Variants in ITCH observed in about 807,000 individuals in gnomAD.
ITCH encodes the protein itchy E3 ubiquitin protein ligase, also known as E3 ubiquitin-protein ligase Itchy homolog.
ITCH carries 28 observed loss-of-function variants against 126.8 expected under a neutral mutation model. That is an observed-to-expected ratio of 0.22 (90% CI 0.16 to 0.30). The LOEUF (loss-of-function observed/expected upper bound fraction) is 0.30. ITCH is among the 10% of genes least tolerant of loss of function. ITCH has a pLI of 1.00. For missense variants in ITCH, 631 were observed against 1,032.4 expected (o/e 0.61, Z 5.33); for synonymous variants, 342 against 340.0 (o/e 1.01, Z -0.06).
At chr20:34,506,175 T>C (rs1035647725) in intron 24 of ITCH, among the ~76,000 whole-genome samples, 4 of 152,130 alleles carry the variant, frequency 2.6e-5, no homozygotes, top group Non-Finnish European at 5.9e-5. Flanking sequence ...ACTGTCCTCC[T>C]ACCTTAGCCT....
intron 5 of ITCH, 41 bp downstream of exon 5, chr20:34,412,680 G>A: frequency 6.4e-7 from 1 of 1,551,452 alleles, no homozygotes; most frequent in Non-Finnish European, 8.9e-7. Context: ...TTAGCTGTTT[G>A]TTTTTCTGGA....
At chr20:34,456,007 T>C (rs547534809) in intron 12 of ITCH, among the ~76,000 whole-genome samples, 11 of 151,626 alleles carry the variant, frequency 7.3e-5, no homozygotes, top group East Asian at 1.9e-4. Flanking sequence ...GAACGAGATA[T>C]GTTAAGTGTA....
intron 2 of ITCH, among the ~76,000 whole-genome samples, chr20:34,380,837 G>T (rs1443455326): frequency 1.3e-5 from 2 of 151,892 alleles, no homozygotes; most frequent in African/African-American, 4.8e-5. Context: ...ACCCAGGCTG[G>T]AGTGCAGTGG....
rs895356528 is a variant in ITCH, at chr20:34,511,092, C to G, written c.*3298C>G. On this transcript the variant is annotated 3_prime_UTR_variant, in exon 25 of 25. Coordinates refer to ENST00000374864, the MANE Select transcript of ITCH (RefSeq NM_031483.7). ...CCTTTCTAAACTCCTTTAGAGTTAACGACTTCTATTTAGTATTGTTGGTAT... is the reference window on the plus strand; with the variant it reads ...CCTTTCTAAACTCCTTTAGAGTTAAGGACTTCTATTTAGTATTGTTGGTAT... 6.6e-6 allele frequency: 1 copy of G among 152,146 alleles called. No homozygotes were observed. The highest frequency in any genetic ancestry group is 1.5e-5 in the Non-Finnish European group (1 of 68,028). The allele number at this position is 152,146 out of a possible 1,614,324, so 9.4% of individuals were successfully genotyped here.
intron 3 of ITCH, among the ~76,000 whole-genome samples, chr20:34,404,973 G>GA (rs568313409): frequency 2.7e-5 from 4 of 150,894 alleles, no homozygotes; most frequent in African/African-American, 4.9e-5. Flanking sequence ...GTCTCTACCA[G>GA]AAAAAAAATA....
rs73257197 is a variant in ITCH at position 34,496,986 on chromosome 20, C to G, written c.2416+4389C>G. 3.8e-3 allele frequency among the ~76,000 whole-genome samples: 582 copies of G among 151,722 alleles called. 7 individuals are homozygous for G. The highest frequency in any genetic ancestry group is 0.014 in the African/African-American group (562 of 41,350). On this transcript the variant is annotated intron_variant, in intron 23 of 24. Transcript: ENST00000374864. ...AGTACCATTTATTGAAGAGAGTGTC[C>G]TTTCCCCCAATGATTGTTCTTTTTT...
chr20:34,479,941 C>T, intron 18 of ITCH, 152 bp downstream of exon 18: 1 of 722,978 alleles, frequency 1.4e-6, no homozygotes, highest in South Asian at 1.7e-5. Context: ...CTCTGTCACC[C>T]AGGCTGGAGT....
chr20:34,449,379 T>C (rs889453035), intron 11 of ITCH, 32 bp from the exon 12 acceptor site: 1 of 1,344,678 alleles, frequency 7.4e-7, no homozygotes, highest in African/African-American at 1.4e-5. Context: ...GTTAAGTTGT[T>C]AATAGTTTCA....
intron 2 of ITCH, chr20:34,384,158 T>TC (rs2038178807): frequency 6.6e-6 from 1 of 151,680 alleles, no homozygotes; most frequent in Non-Finnish European, 1.5e-5. Context: ...TTTTTTTTTT[T>TC]TTTTTTTTTA....
chr20:34,482,813 C>T (rs1474682812), intron 20 of ITCH, among the ~76,000 whole-genome samples: 3 of 152,210 alleles, frequency 2.0e-5, no homozygotes, highest in African/African-American at 4.8e-5. Context: ...CACATTTCCC[C>T]TCCACACTGA....
At chr20:34,377,726 A>G (rs774178543) in intron 2 of ITCH, among the ~76,000 whole-genome samples, 4 of 151,954 alleles carry the variant, frequency 2.6e-5, no homozygotes, top group African/African-American at 4.8e-5. Flanking sequence ...TTAGTTGGGC[A>G]TGGTGGCGTG....
At position 34,417,704 on chromosome 20, in the gene ITCH, T is replaced by G. The variant is rs967009559; in HGVS notation, c.475+3825T>G. Among the ~76,000 whole-genome samples the G allele has an allele frequency of 1.4e-4, 4 of 28,814 alleles. No homozygotes were observed. The East Asian group carries it at 5.1e-3, about 37-fold the overall frequency. 18.9% of individuals were successfully genotyped at this position (28,814 alleles called of 152,430 possible). A position where few individuals can be genotyped will look rare whatever the true frequency, so the allele number is the denominator to read the frequency against. ...CATGAGCCACTGCGCCTGGCCCAGC[T>G]TTTTTTTTTTTTTTTTTTTTTTAAA... is the stretch of plus-strand genomic sequence containing the variant. On this transcript the variant is annotated intron_variant, in intron 6 of 24. Coordinates refer to ENST00000374864, the MANE Select transcript of ITCH (RefSeq NM_031483.7).
intron 20 of ITCH, among the ~76,000 whole-genome samples, chr20:34,484,016 T>C (rs1003311341): frequency 2.6e-5 from 4 of 152,130 alleles, no homozygotes; most frequent in African/African-American, 4.8e-5. Context: ...GTGAGACTTA[T>C]TCACTATAAT....
chr20:34,457,947 C>CA (rs912660500), intron 13 of ITCH, among the ~76,000 whole-genome samples: 19 of 148,048 alleles, frequency 1.3e-4, no homozygotes, highest in South Asian at 4.3e-4. Flanking sequence ...AGGGCTGTTT[C>CA]AAAAAAAAAG....
At chr20:34,461,953 GTCTA>G in intron 13 of ITCH, 136 bp from the exon 14 acceptor site, 1 of 755,968 alleles carries the variant, frequency 1.3e-6, no homozygotes, top group Non-Finnish European at 2.2e-6. Context: ...ACATAGAGAT[GTCTA>G]GTATACAACT....
At chr20:34,399,318 G>A (rs1045391909) in intron 3 of ITCH, among the ~76,000 whole-genome samples, 1 of 151,820 alleles carries the variant, frequency 6.6e-6, no homozygotes, top group Non-Finnish European at 1.5e-5. Flanking sequence ...CTTGAACCCG[G>A]GAGGCGGAGA....
At chr20:34,504,855 A>G (rs934222402) in intron 24 of ITCH, among the ~76,000 whole-genome samples, 7 of 152,146 alleles carry the variant, frequency 4.6e-5, no homozygotes, top group Non-Finnish European at 8.8e-5. Context: ...GTGGTCACAT[A>G]TGGTCCTTCC....
At chr20:34,458,690 C>T (rs1361245228) in intron 13 of ITCH, among the ~76,000 whole-genome samples, 1 of 152,144 alleles carries the variant, frequency 6.6e-6, no homozygotes, top group Non-Finnish European at 1.5e-5. Context: ...CTTCTTGTAG[C>T]TCCTTGGCTT....
intron 4 of ITCH, 82 bp from the exon 5 acceptor site, chr20:34,412,433 T>C: frequency 8.8e-7 from 1 of 1,131,274 alleles, no homozygotes. Context: ...CTTTAGACTT[T>C]AAAACTGAAT....
Sources: allele counts gnomAD v4.1 joint callset (sites outside exome capture counted in the v4.1 genomes callset), GRCh38; gene constraint gnomAD v4.1.1; transcripts MANE v1.5; gene names NCBI Gene and HGNC (gene_info 2026-07-23, HGNC 2026-07-21).